The following ERICH6 variants were observed in gnomAD, a reference collection of about 807,000 sequenced individuals.
ERICH6 encodes the protein glutamate-rich protein 6.
Under a neutral mutation model 71.0 loss-of-function variants are expected in ERICH6, and 71 were observed. The observed-to-expected ratio is 1.00, with a 90% CI of 0.83 to 1.22. The LOEUF (loss-of-function observed/expected upper bound fraction) is 1.22. ERICH6 is among the 50% of genes most tolerant of loss of function. ERICH6 has a pLI of 0.00. For synonymous variants in ERICH6, 262 were observed against 278.4 expected, an observed-to-expected ratio of 0.94 and a Z score of 0.59; for missense variants, 808 against 797.2, an observed-to-expected ratio of 1.01 and a Z score of -0.16.
chr3:150,680,976 G>A (rs1474135376), intron 7 of ERICH6, 46 bp from the exon 8 acceptor site: 2 of 1,499,366 alleles, frequency 1.3e-6, no homozygotes, highest in Non-Finnish European at 8.9e-7. Context: ...CCTAGATGAG[G>A]AGGATTAGAG....
chr3:150,703,786 T>G lies in ERICH6; in HGVS notation c.113A>C (p.Glu38Ala), dbSNP rs1010915431. The G allele has an allele frequency of 2.5e-6, 4 of 1,601,972 alleles. No individual in the cohort carries two copies. Among genetic ancestry groups the G allele is most frequent in the Non-Finnish European group, 3.4e-6 (4 of 1,174,750 alleles). The change falls in exon 1 of 14, where the codon GAG (glutamate) becomes GCG (alanine). Residue 38 changes from glutamate to alanine, a missense_variant. By Grantham distance (107) the Glu-to-Ala change is moderately radical. Transcript: ENST00000295910. ...TTCCTCCTCCTCCTCCACCTCTTCC[T>G]CCTCCTCCTCCACCTCTTCCTCCTC... ...EEEEEEVEEEEEEVEEEEEEV... is the reference protein window; with the variant it reads ...EEEEEEVEEEAEEVEEEEEEV...
At chr3:150,675,793 T>C (rs1711628004) in intron 10 of ERICH6, among the ~76,000 whole-genome samples, 1 of 152,038 alleles carries the variant, frequency 6.6e-6, no homozygotes, top group Admixed American at 6.5e-5. Context: ...AATCTAATTG[T>C]TTTCTTTTAA....
chr3:150,667,032 T>C lies in ERICH6; in HGVS notation c.1500-17A>G, dbSNP rs1307458455. 6.3e-7 allele frequency: 1 copy of C among 1,599,250 alleles called. No individual in the cohort carries two copies. The highest frequency in any genetic ancestry group is 2.2e-5 in the East Asian group (1 of 44,746). On this transcript the variant is annotated splice_polypyrimidine_tract_variant and intron_variant, in intron 12 of 13. Coordinates refer to ENST00000295910, the MANE Select transcript of ERICH6 (RefSeq NM_152394.5). The stretch of plus-strand genomic sequence containing the variant: ...ATGTATACCCTGGTCAGGAAGGAAA[T>C]GTAAATATCATAAACAGTAACACTG...
intron 13 of ERICH6, among the ~76,000 whole-genome samples, chr3:150,663,272 C>T (rs1483927238): frequency 1.3e-5 from 2 of 152,086 alleles, no homozygotes; most frequent in African/African-American, 2.4e-5. Flanking sequence ...AAGTGTGAGA[C>T]TCTGGAGGTA....
intron 7 of ERICH6, among the ~76,000 whole-genome samples, chr3:150,681,563 G>A (rs750839913): frequency 2.0e-5 from 3 of 152,114 alleles, no homozygotes; most frequent in Non-Finnish European, 4.4e-5. Flanking sequence ...TATAAACCTA[G>A]GAATAGAACT....
chr3:150,677,471 A>T (rs1351950524), intron 10 of ERICH6, among the ~76,000 whole-genome samples: 1 of 151,358 alleles, frequency 6.6e-6, no homozygotes, highest in Non-Finnish European at 1.5e-5. Flanking sequence ...AAATAATATT[A>T]ATGTAAACTA....
At chr3:150,684,972 T>C (rs961815163) in intron 6 of ERICH6, among the ~76,000 whole-genome samples, 8 of 151,896 alleles carry the variant, frequency 5.3e-5, no homozygotes, top group Non-Finnish European at 7.4e-5. Flanking sequence ...CCACTTACAC[T>C]GTAGCCTGGG....
chr3:150,696,266 T>C (rs1267307415), intron 3 of ERICH6, among the ~76,000 whole-genome samples: 2 of 152,148 alleles, frequency 1.3e-5, no homozygotes, highest in Non-Finnish European at 2.9e-5. Context: ...AAAGGATGGT[T>C]ATTTTCTTAA....
At chr3:150,697,894 C>T (rs955727173) in intron 3 of ERICH6, among the ~76,000 whole-genome samples, 13 of 152,216 alleles carry the variant, frequency 8.5e-5, no homozygotes, top group African/African-American at 2.9e-4. Context: ...ATTCTCCTCC[C>T]TGCTTACTCC....
At chr3:150,678,652 G>T in intron 9 of ERICH6, 98 bp from the exon 10 acceptor site, 1 of 890,738 alleles carries the variant, frequency 1.1e-6, no homozygotes, top group South Asian at 2.0e-5. Flanking sequence ...TAAATGCACT[G>T]ATTCATAAGA....
chr3:150,667,182 C>A (rs373593050), intron 12 of ERICH6, among the ~76,000 whole-genome samples, 167 bp from the exon 13 acceptor site: 1 of 152,138 alleles, frequency 6.6e-6, no homozygotes, highest in South Asian at 2.1e-4. Context: ...TGACTAAATT[C>A]TACACGAATC....
rs1234785073 is a variant in ERICH6, at chr3:150,678,551, G to C, written c.1115C>G (p.Ser372Ter). The change falls in exon 10 of 14, where the codon TCA becomes TGA. Residue 372 changes from serine (S) to a stop codon, truncating the protein, a stop_gained. Coordinates refer to ENST00000295910, the MANE Select transcript of ERICH6 (RefSeq NM_152394.5). LOFTEE classifies it high-confidence loss of function. ...ATAAGAAATTGTTTTTAAGCGCTTT[G>C]AATCTAGTGGGAAAAGAATCACATA... Reference protein sequence around the residue: ...REQTHFSEDDSKRLKTISYQL... With the variant: ...REQTHFSEDD The C allele has an allele frequency of 1.3e-6, 2 of 1,589,870 alleles. No individual in the cohort carries two copies. Among genetic ancestry groups the C allele is most frequent in the African/African-American group, 2.7e-5 (2 of 73,384 alleles).
intron 6 of ERICH6, 53 bp downstream of exon 6, chr3:150,685,689 T>A: frequency 6.9e-7 from 1 of 1,440,600 alleles, no homozygotes; most frequent in Non-Finnish European, 9.7e-7. Flanking sequence ...ATCATTATGT[T>A]TTCTTATGTC....
intron 11 of ERICH6, among the ~76,000 whole-genome samples, chr3:150,670,709 T>C (rs540120062): frequency 6.6e-6 from 1 of 152,322 alleles, no homozygotes; most frequent in South Asian, 2.1e-4. Flanking sequence ...AAATTGTATT[T>C]CTATACACTA....
intron 2 of ERICH6, among the ~76,000 whole-genome samples, chr3:150,700,895 T>C (rs1488437743): frequency 6.6e-6 from 1 of 152,236 alleles, no homozygotes; most frequent in African/African-American, 2.4e-5. Context: ...ACTTTACTTT[T>C]TAAGAGACAA....
intron 1 of ERICH6, 75 bp from the exon 2 acceptor site, chr3:150,702,253 A>T: frequency 5.0e-6 from 3 of 604,554 alleles, no homozygotes; most frequent in East Asian, 3.3e-5. Flanking sequence ...CCAGGAACAC[A>T]TGGCAATGTC....
At chr3:150,703,403 G>A in intron 1 of ERICH6, 93 bp downstream of exon 1, 1 of 1,449,326 alleles carries the variant, frequency 6.9e-7, no homozygotes, top group Non-Finnish European at 9.0e-7. Context: ...GGCACGACGC[G>A]CAGGTCGACG....
At chr3:150,692,147 AT>A (rs543029380) in intron 3 of ERICH6, among the ~76,000 whole-genome samples, 2 of 152,230 alleles carry the variant, frequency 1.3e-5, no homozygotes, top group Non-Finnish European at 2.9e-5. Flanking sequence ...AATAAAGGTG[AT>A]AAAGGTTATA....
At chr3:150,689,343 T>A (rs1465692546) in intron 3 of ERICH6, among the ~76,000 whole-genome samples, 1 of 152,232 alleles carries the variant, frequency 6.6e-6, no homozygotes, top group Non-Finnish European at 1.5e-5. Flanking sequence ...CAGGCCAAAC[T>A]GAAACAGTGG....
Sources: gnomAD v4.1 joint callset for allele counts (sites outside exome capture counted in the v4.1 genomes callset) on GRCh38, gnomAD v4.1.1 for gene constraint, MANE v1.5 for transcripts, NCBI Gene and HGNC (gene_info 2026-07-23, HGNC 2026-07-21) for gene names.